Variants in RP1 observed in about 807,000 individuals in gnomAD.
RP1 encodes the protein oxygen-regulated protein 1.
Under a neutral mutation model 14.8 loss-of-function variants are expected in RP1, and 16 were observed. The observed-to-expected ratio is 1.08, with a 90% CI of 0.73 to 1.65. The LOEUF (loss-of-function observed/expected upper bound fraction) is 1.65. Ranked by LOEUF, RP1 falls within the 40% of genes most tolerant of loss-of-function variation. The probability of loss-of-function intolerance (pLI) is 0.00; values close to 1 mark genes in which losing one functional copy is unlikely to be tolerated. For synonymous variants in RP1, 876 were observed against 883.6 expected (o/e 0.99, Z 0.15); for missense variants, 2,631 against 2,535.0 (o/e 1.04, Z -0.81).
In RP1 at chr8:54,677,780, G is replaced by A. The variant is rs531737593; in HGVS notation, c.1403-681G>A. On this transcript the variant is annotated intron_variant, in intron 8 of 22. Coordinates refer to the RP1 transcript ENST00000636932. ...AAAAAATAAATTTTATCCTATAGCT[G>A]ATGAGTATTAACTCACCAACTCAAT... 2.4e-4 allele frequency among the ~76,000 whole-genome samples: 36 copies of A among 152,116 alleles called. No individual in the cohort carries two copies. The South Asian group carries it at 7.3e-3, about 31-fold the overall frequency.
At chr8:54,844,613 T>G (rs1298175336) in intron 25 of RP1, among the ~76,000 whole-genome samples, 2 of 152,206 alleles carry the variant, frequency 1.3e-5, no homozygotes, top group Non-Finnish European at 2.9e-5. Context: ...TGTGTGTGCA[T>G]GTGTAGACAT....
intron 24 of RP1, among the ~76,000 whole-genome samples, chr8:54,799,842 T>C (rs1399434117): frequency 6.6e-6 from 1 of 152,064 alleles, no homozygotes; most frequent in African/African-American, 2.4e-5. Flanking sequence ...ACATGCAATA[T>C]ATAATAACTG....
chr8:54,716,227 A>G (rs1383220391), intron 15 of RP1, among the ~76,000 whole-genome samples: 1 of 152,190 alleles, frequency 6.6e-6, no homozygotes, highest in East Asian at 1.9e-4. Flanking sequence ...TAGTAATCCT[A>G]GTATGTTCCA....
intron 24 of RP1, among the ~76,000 whole-genome samples, chr8:54,789,998 C>G (rs1476823201): frequency 2.0e-5 from 3 of 152,306 alleles, no homozygotes; most frequent in African/African-American, 7.2e-5. Context: ...AGGTCTCTGA[C>G]TAGGAGTGAT....
intron 16 of RP1, among the ~76,000 whole-genome samples, chr8:54,726,115 T>G (rs1260003729): frequency 6.6e-6 from 1 of 152,140 alleles, no homozygotes; most frequent in African/African-American, 2.4e-5. Flanking sequence ...TCGTTCGGAT[T>G]TGCAAAGCAA....
intron 15 of RP1, among the ~76,000 whole-genome samples, chr8:54,717,974 C>T (rs1164168503): frequency 6.6e-6 from 1 of 152,028 alleles, no homozygotes; most frequent in Non-Finnish European, 1.5e-5. Flanking sequence ...AAATTAAAAA[C>T]ATAATTCCAG....
chr8:54,604,058 G>T (rs1358062035), intron 1 of RP1, among the ~76,000 whole-genome samples: 1 of 152,150 alleles, frequency 6.6e-6, no homozygotes, highest in African/African-American at 2.4e-5. Context: ...GCCCTGGCCA[G>T]AACTTCCAAC....
intron 19 of RP1, among the ~76,000 whole-genome samples, chr8:54,739,798 C>T (rs1809026650): frequency 6.6e-6 from 1 of 151,708 alleles, no homozygotes. Flanking sequence ...TTTTGATTAG[C>T]AATGGACTGC....
At chr8:54,574,082 A>T (rs1454601735) in intron 1 of RP1, among the ~76,000 whole-genome samples, 1 of 152,168 alleles carries the variant, frequency 6.6e-6, no homozygotes, top group Non-Finnish European at 1.5e-5. Context: ...GGCATCATTA[A>T]TCTAAGCCAG....
intron 15 of RP1, among the ~76,000 whole-genome samples, chr8:54,718,353 G>T (rs1808452410): frequency 6.6e-6 from 1 of 152,170 alleles, no homozygotes; most frequent in African/African-American, 2.4e-5. Context: ...GTGTGTTATT[G>T]ATGAAAGAAA....
intron 3 of RP1, among the ~76,000 whole-genome samples, chr8:54,623,560 A>G (rs377601312): frequency 1.3e-5 from 2 of 151,960 alleles, no homozygotes; most frequent in African/African-American, 4.8e-5. Context: ...AGCCTCCCAA[A>G]GTGCTGGGAT....
At chr8:54,684,235 G>T (rs1211114568) in intron 12 of RP1, among the ~76,000 whole-genome samples, 1 of 151,940 alleles carries the variant, frequency 6.6e-6, no homozygotes, top group East Asian at 1.9e-4. Flanking sequence ...GACGATTTTT[G>T]CATCTATGTT....
intron 24 of RP1, among the ~76,000 whole-genome samples, chr8:54,795,612 C>G (rs1810560362): frequency 6.6e-6 from 1 of 152,054 alleles, no homozygotes; most frequent in African/African-American, 2.4e-5. Context: ...CTGATGTCTG[C>G]TCTGAGCTGG....
At chr8:54,602,371 C>T (rs979505830) in intron 1 of RP1, among the ~76,000 whole-genome samples, 2 of 152,120 alleles carry the variant, frequency 1.3e-5, no homozygotes, top group African/African-American at 2.4e-5. Context: ...TGAACTCATC[C>T]TTTTTTATGG....
intron 1 of RP1, among the ~76,000 whole-genome samples, chr8:54,602,399 G>A (rs1250250286): frequency 6.6e-6 from 1 of 152,160 alleles, no homozygotes; most frequent in Admixed American, 6.5e-5. Context: ...GTATTCCAAG[G>A]TGTATATGTG....
chr8:54,607,984 G>C lies in RP1; in HGVS notation c.-12-12971G>C, dbSNP rs940190773. Among the ~76,000 whole-genome samples, 7 of 152,134 alleles carry C rather than the reference G, an allele frequency of 4.6e-5. No individual in the cohort carries two copies. The East Asian group carries it at 1.4e-3, about 30-fold the overall frequency. ...AGGAAAGGGAATTCCCTGACCCCTT[G>C]CACTTCCTGGGTGAGGCGATGCCTC... On this transcript the variant is annotated intron_variant, in intron 1 of 22. Transcript: ENST00000636932.
chr8:54,616,878 T>G (rs1805731201), intron 1 of RP1, among the ~76,000 whole-genome samples: 1 of 152,192 alleles, frequency 6.6e-6, no homozygotes, highest in Admixed American at 6.5e-5. Flanking sequence ...AGGCCAACTA[T>G]TTAGTTCTGA....
intron 24 of RP1, among the ~76,000 whole-genome samples, chr8:54,835,633 A>G (rs993873242): frequency 1.2e-4 from 18 of 152,166 alleles, no homozygotes; most frequent in African/African-American, 3.9e-4. Context: ...ATTGACTTCT[A>G]TCATACTTTG....
At chr8:54,621,933 C>T (rs1016055529) in intron 2 of RP1, among the ~76,000 whole-genome samples, 184 bp from the exon 3 acceptor site, 7 of 152,170 alleles carry the variant, frequency 4.6e-5, no homozygotes, top group African/African-American at 1.4e-4. Context: ...AACTGACTCC[C>T]CCACCCAACC....
Sources: allele counts gnomAD v4.1 joint callset (sites outside exome capture counted in the v4.1 genomes callset), GRCh38; gene constraint gnomAD v4.1.1; transcripts MANE v1.5; gene names NCBI Gene and HGNC (gene_info 2026-07-23, HGNC 2026-07-21).